The following GRID2 variants were observed in gnomAD, a reference collection of about 807,000 sequenced individuals.
The protein encoded by GRID2 is glutamate receptor ionotropic, delta-2.
A neutral mutation model predicts 114.8 loss-of-function variants in GRID2; 33 were observed. The ratio of observed to expected loss-of-function variants is 0.29; its 90% CI spans 0.22 to 0.38. The LOEUF (loss-of-function observed/expected upper bound fraction) is 0.38, where lower values mean the gene tolerates loss of function less well. Among genes scored for constraint, GRID2 ranks in the 10% least tolerant of loss-of-function variants. GRID2 has a pLI of 1.00. For synonymous variants in GRID2, 505 were observed against 449.9 expected, an observed-to-expected ratio of 1.12 and a Z score of -1.55; for missense variants, 1,184 against 1,257.7, an observed-to-expected ratio of 0.94 and a Z score of 0.89.
At chr4:93,304,935 A>G (rs923826277) in intron 8 of GRID2, among the ~76,000 whole-genome samples, 2 of 152,202 alleles carry the variant, frequency 1.3e-5, no homozygotes, top group African/African-American at 2.4e-5. Flanking sequence ...AATTTGAACA[A>G]TGACATCCAA....
chr4:93,257,978 GTATATATATA>G (rs72080884), intron 8 of GRID2, among the ~76,000 whole-genome samples: 31 of 139,054 alleles, frequency 2.2e-4, no homozygotes, highest in East Asian at 1.0e-3. Context: ...ATATGTGTGT[GTATATATATA>G]TATATATATA....
At chr4:93,099,155 G>T (rs1429851073) in intron 3 of GRID2, among the ~76,000 whole-genome samples, 1 of 151,764 alleles carries the variant, frequency 6.6e-6, no homozygotes, top group African/African-American at 2.4e-5. Context: ...TGAGTTACAT[G>T]ATGACTCTTT....
chr4:92,791,723 T>G (rs1739601266), intron 2 of GRID2, among the ~76,000 whole-genome samples: 1 of 151,840 alleles, frequency 6.6e-6, no homozygotes, highest in Non-Finnish European at 1.5e-5. Context: ...TGTGAGGAGT[T>G]TCCAGGTGAG....
intron 2 of GRID2, among the ~76,000 whole-genome samples, chr4:92,807,655 C>T (rs1740481954): frequency 6.6e-6 from 1 of 151,934 alleles, no homozygotes; most frequent in African/African-American, 2.4e-5. Context: ...GAAAAGTCCC[C>T]TCAAATTGTA....
chr4:92,510,761 A>G (rs1724204001), intron 1 of GRID2, among the ~76,000 whole-genome samples: 1 of 151,680 alleles, frequency 6.6e-6, no homozygotes, highest in Non-Finnish European at 1.5e-5. Context: ...GAGGTAATGG[A>G]TACCCGGATT....
At chr4:93,265,399 C>T (rs930893794) in intron 8 of GRID2, among the ~76,000 whole-genome samples, 11 of 152,140 alleles carry the variant, frequency 7.2e-5, no homozygotes, top group Non-Finnish European at 1.2e-4. Context: ...TCTGAAGAGC[C>T]ACCTTATCAA....
chr4:93,718,367 G>C (rs1453637464), intron 14 of GRID2, among the ~76,000 whole-genome samples: 1 of 152,092 alleles, frequency 6.6e-6, no homozygotes, highest in Non-Finnish European at 1.5e-5. Flanking sequence ...ATACCTCTGA[G>C]AATAGTCATT....
chr4:92,599,069 C>G (rs1579655367), intron 2 of GRID2, among the ~76,000 whole-genome samples: 1 of 126,596 alleles, frequency 7.9e-6, no homozygotes, highest in Admixed American at 9.3e-5. Flanking sequence ...CTCTCTCTCT[C>G]TTTCCTTGGG....
At chr4:92,335,584 A>G (rs1727123977) in intron 1 of GRID2, among the ~76,000 whole-genome samples, 1 of 152,216 alleles carries the variant, frequency 6.6e-6, no homozygotes, top group South Asian at 2.1e-4. Context: ...TGAGTAAGTC[A>G]ATGCATTTCC....
intron 14 of GRID2, among the ~76,000 whole-genome samples, chr4:93,714,192 T>C (rs1728717550): frequency 6.6e-6 from 1 of 152,078 alleles, no homozygotes; most frequent in Non-Finnish European, 1.5e-5. Flanking sequence ...ATGTGGTGTT[T>C]GGTTTTCTTT....
In GRID2 at chr4:93,343,795, T is replaced by A. The variant is rs533878397; in HGVS notation, c.1246-51812T>A. ...CTGATCTCTGACCTGTGGCTAACCG[T>A]CAGATTTTAGGTCATCGTGCAACAT... On this transcript the variant is annotated intron_variant, in intron 8 of 15. Coordinates refer to ENST00000282020, the MANE Select transcript of GRID2 (RefSeq NM_001510.4). Among the ~76,000 whole-genome samples, 25 of 152,210 alleles carry A rather than the reference T, an allele frequency of 1.6e-4. No individual in the cohort carries two copies. In the South Asian group the frequency reaches 4.8e-3, roughly 29 times the overall value.
intron 3 of GRID2, among the ~76,000 whole-genome samples, chr4:93,090,104 A>C (rs933195240): frequency 6.6e-6 from 1 of 152,138 alleles, no homozygotes; most frequent in Non-Finnish European, 1.5e-5. Context: ...GGCTAATAGT[A>C]AATTTCCCCC....
At chr4:93,567,745 C>G (rs1735569148) in intron 13 of GRID2, among the ~76,000 whole-genome samples, 1 of 152,152 alleles carries the variant, frequency 6.6e-6, no homozygotes, top group African/African-American at 2.4e-5. Flanking sequence ...CCTCTTGAGA[C>G]TTAGAGAATG....
chr4:93,477,933 A>G (rs999328608), intron 11 of GRID2, among the ~76,000 whole-genome samples: 1 of 152,130 alleles, frequency 6.6e-6, no homozygotes, highest in Non-Finnish European at 1.5e-5. Flanking sequence ...CATTATGTGT[A>G]TTACTCACCC....
intron 10 of GRID2, among the ~76,000 whole-genome samples, chr4:93,445,926 T>G (rs1470715848): frequency 2.6e-5 from 4 of 152,000 alleles, no homozygotes; most frequent in Non-Finnish European, 5.9e-5. Flanking sequence ...AGAGGAAATT[T>G]TACAACAGTA....
chr4:93,591,422 G>C (rs906086582), intron 13 of GRID2, among the ~76,000 whole-genome samples: 71 of 152,010 alleles, frequency 4.7e-4, no homozygotes, highest in Middle Eastern at 3.4e-3. Context: ...GACCATGGTG[G>C]ATAAGCTTTT....
At chr4:93,482,298 A>G (rs1270653684) in intron 11 of GRID2, among the ~76,000 whole-genome samples, 1 of 152,100 alleles carries the variant, frequency 6.6e-6, no homozygotes, top group Non-Finnish European at 1.5e-5. Context: ...AATGCCCATC[A>G]ATGATAGACT....
chr4:93,207,696 G>A (rs1020444856), intron 5 of GRID2, among the ~76,000 whole-genome samples: 2 of 151,916 alleles, frequency 1.3e-5, no homozygotes, highest in African/African-American at 2.4e-5. Context: ...AGCTCTTTCT[G>A]TTGGCTCATT....
chr4:93,592,858 C>T (rs192827328), intron 13 of GRID2, among the ~76,000 whole-genome samples: 12 of 152,148 alleles, frequency 7.9e-5, no homozygotes, highest in East Asian at 3.9e-4. Context: ...AAGTCTGTTT[C>T]ATCAGAGACT....
Sources: gnomAD v4.1 joint callset for allele counts (sites outside exome capture counted in the v4.1 genomes callset) on GRCh38, gnomAD v4.1.1 for gene constraint, MANE v1.5 for transcripts, NCBI Gene and HGNC (gene_info 2026-07-23, HGNC 2026-07-21) for gene names.